MFN1: variants seen among roughly 807,000 people sequenced by gnomAD.
MFN1 encodes mitofusin-1.
Under a neutral mutation model 92.4 loss-of-function variants are expected in MFN1, and 65 were observed. The ratio of observed to expected loss-of-function variants is 0.70; its 90% CI spans 0.58 to 0.86. MFN1 has a LOEUF of 0.86. Ranked by LOEUF, MFN1 falls within the 40% of genes least tolerant of loss-of-function variation. The pLI, the probability that MFN1 is intolerant of heterozygous loss-of-function variation, is 0.00. For synonymous variants in MFN1, 297 were observed against 300.9 expected, an observed-to-expected ratio of 0.99 and a Z score of 0.13; for missense variants, 781 against 868.0, an observed-to-expected ratio of 0.90 and a Z score of 1.26.
At position 179,352,039 on chromosome 3, in the gene MFN1, ATTAT is replaced by A. The variant is rs759913086; in HGVS notation, c.248+10_248+13del. On this transcript the variant is annotated splice_donor_5th_base_variant and intron_variant, in intron 3 of 17. Transcript: ENST00000471841. ...TGAAGGTGGCATTTTTTGGCAGGTA[ATTAT>A]TTATTATTACTTCTAAGATTAGTTT... is the stretch of plus-strand genomic sequence containing the variant. The A allele has an allele frequency of 4.4e-6, 7 of 1,582,864 alleles. No individual in the cohort carries two copies. The highest frequency in any genetic ancestry group is 6.0e-6 in the Non-Finnish European group (7 of 1,159,136).
chr3:179,375,312 T>A lies in MFN1; in HGVS notation c.1068T>A (p.Asp356Glu). The A allele has an allele frequency of 6.2e-7, 1 of 1,613,644 alleles. No homozygotes were observed. The highest frequency in any genetic ancestry group is 2.2e-5 in the East Asian group (1 of 44,838). Residue 356 changes from aspartate (D) to glutamate (E), a missense_variant, in exon 10 of 18, where the codon GAT (aspartate) becomes GAA (glutamate). By Grantham distance (45) the Asp-to-Glu change is conservative (BLOSUM62 2). Transcript: ENST00000471841. ...TAGCTACTGTGAAAAACATAATGGA[T>A]TCAGTAAACCTGGCAGCTGAAGATA... Reference protein sequence around the residue: ...QILATVKNIMDSVNLAAEDKR... With the variant: ...QILATVKNIMESVNLAAEDKR...
chr3:179,385,677 G>C lies in MFN1; in HGVS notation c.1771G>C (p.Val591Leu), dbSNP rs781025338. The part of the protein sequence containing the change: ...MITLVTGLAS[V>L]TSRTSMGIII... ...TACATTAGTAACAGGATTGGCGTCC[G>C]TTACATCTAGAACTTCTATGGGCAT... The change falls in exon 15 of 18, where the codon GTT (valine) becomes CTT (leucine). Residue 591 changes from valine (V) to leucine (L), a missense_variant. By Grantham distance (32) the Val-to-Leu change is conservative. Transcript: ENST00000471841. 4.3e-6 allele frequency: 7 copies of C among 1,613,588 alleles called. No homozygotes were observed. The highest frequency in any genetic ancestry group is 1.3e-5 in the African/African-American group (1 of 74,840).
chr3:179,374,690 T>C (rs965812570), intron 9 of MFN1, among the ~76,000 whole-genome samples: 2 of 152,152 alleles, frequency 1.3e-5, no homozygotes, highest in Non-Finnish European at 2.9e-5. Flanking sequence ...AGATGTTACA[T>C]TGTTAAATGT....
At position 179,386,605 on chromosome 3, in the gene MFN1, C is replaced by T. The variant is rs1381874844; in HGVS notation, c.1988C>T (p.Ala663Val). The change falls in exon 16 of 18, where the codon GCA becomes GTA. Residue 663 changes from alanine to valine, a missense_variant. Transcript: ENST00000471841. ...KLRMIVSSTSANCSHQVKQQI... is the reference protein window; with the variant it reads ...KLRMIVSSTSVNCSHQVKQQI... ...AGGATGATTGTTAGCTCCACGAGTG[C>T]AAACTGCAGTCACCAAGTAAAACAG... The T allele has an allele frequency of 1.2e-6, 2 of 1,611,252 alleles. No homozygotes were observed. The highest frequency in any genetic ancestry group is 1.7e-5 in the Admixed American group (1 of 58,976).
At chr3:179,369,487 G>C (rs1712936595) in intron 9 of MFN1, among the ~76,000 whole-genome samples, 1 of 152,032 alleles carries the variant, frequency 6.6e-6, no homozygotes, top group African/African-American at 2.4e-5. Flanking sequence ...TTTATATAAT[G>C]TATAATTGTG....
At position 179,358,985 on chromosome 3, in the gene MFN1, GA is replaced by G. The variant is rs755881517; in HGVS notation, c.401del (p.Lys134ArgfsTer3). On this transcript the variant is annotated frameshift_variant, in exon 4 of 18. Coordinates refer to ENST00000471841, the MANE Select transcript of MFN1 (RefSeq NM_033540.3). LOFTEE classifies it high-confidence loss of function. ...CTATCTTATGACAGAAGGATCAGAT[GA>G]AAAAAAGAGTGTGAAGGTATGATCT... ...KAYLMTEGSDEKKSVKTVNQL... is the reference protein window; with the variant it reads ...KAYLMTEGSDXKKSVKTVNQL... 3 of 1,610,512 alleles carry G rather than the reference GA, an allele frequency of 1.9e-6. No individual in the cohort carries two copies. Among genetic ancestry groups the G allele is most frequent in the Admixed American group, 1.7e-5 (1 of 59,140 alleles).
At chr3:179,391,934 C>A in intron 17 of MFN1, 47 bp from the exon 18 acceptor site, 1 of 1,236,804 alleles carries the variant, frequency 8.1e-7, no homozygotes, top group South Asian at 1.3e-5. Context: ...GCATTTTTCT[C>A]CTTGACCTTT....
chr3:179,365,559 A>G (rs1053671943), intron 7 of MFN1, among the ~76,000 whole-genome samples: 2 of 152,204 alleles, frequency 1.3e-5, no homozygotes, highest in Admixed American at 6.5e-5. Context: ...CTGAGCCACC[A>G]TGCCTGGCCA....
At chr3:179,377,731 C>T (rs56265474) in intron 12 of MFN1, among the ~76,000 whole-genome samples, 4,871 of 152,136 alleles carry the variant, frequency 0.032, 257 homozygotes, top group African/African-American at 0.1. Context: ...CCCCAGAGTT[C>T]GAGACCAGCC....
At chr3:179,385,780 G>A in intron 15 of MFN1, 59 bp downstream of exon 15, 4 of 1,500,646 alleles carry the variant, frequency 2.7e-6, no homozygotes, top group Non-Finnish European at 3.7e-6. Context: ...CTGCCTGTTA[G>A]CTCACAAAAG....
At chr3:179,357,128 G>C (rs1423401338) in intron 3 of MFN1, among the ~76,000 whole-genome samples, 3 of 152,028 alleles carry the variant, frequency 2.0e-5, no homozygotes, top group African/African-American at 7.2e-5. Context: ...TGCTGGATCT[G>C]GGGGCCCAAA....
intron 16 of MFN1, among the ~76,000 whole-genome samples, chr3:179,389,300 TC>T (rs1398096591): frequency 2.6e-5 from 4 of 152,164 alleles, no homozygotes; most frequent in African/African-American, 9.7e-5. Context: ...AATGTAGCTT[TC>T]CCTGCATTGA....
At chr3:179,379,399 G>A (rs1337940270) in intron 14 of MFN1, among the ~76,000 whole-genome samples, 3 of 152,172 alleles carry the variant, frequency 2.0e-5, no homozygotes, top group Non-Finnish European at 2.9e-5. Context: ...TGTGGCTCAG[G>A]CTGGAGTGCA....
At chr3:179,357,113 CTG>C (rs1440662525) in intron 3 of MFN1, among the ~76,000 whole-genome samples, 1 of 152,140 alleles carries the variant, frequency 6.6e-6, no homozygotes, top group African/African-American at 2.4e-5. Flanking sequence ...GGTCTTCAAA[CTG>C]GTTGCTGGAT....
At chr3:179,378,842 G>T in intron 14 of MFN1, 28 bp downstream of exon 14, 1 of 1,496,022 alleles carries the variant, frequency 6.7e-7, no homozygotes, top group Non-Finnish European at 9.2e-7. Context: ...TACCAATTAA[G>T]ACTCTCCTTT....
At chr3:179,369,017 TG>T (rs1712914795) in intron 9 of MFN1, among the ~76,000 whole-genome samples, 1 of 152,196 alleles carries the variant, frequency 6.6e-6, no homozygotes, top group Non-Finnish European at 1.5e-5. Context: ...ATTAGACAGA[TG>T]AAGACAAACT....
At chr3:179,379,565 A>G (rs1328688585) in intron 14 of MFN1, among the ~76,000 whole-genome samples, 2 of 151,964 alleles carry the variant, frequency 1.3e-5, no homozygotes, top group Non-Finnish European at 2.9e-5. Flanking sequence ...TGTTGGCCAG[A>G]CTGGTCTCGA....
At chr3:179,349,211 A>G (rs560119121) in intron 2 of MFN1, among the ~76,000 whole-genome samples, 12 of 152,332 alleles carry the variant, frequency 7.9e-5, no homozygotes, top group East Asian at 1.9e-4. Context: ...AGAAATAGCT[A>G]TGTTAATAGT....
In MFN1 at chr3:179,349,030, C is replaced by G; in HGVS notation, c.112+67C>G. ...TATATAAAAGTGCTTATTCTTTCAA[C>G]GTTAGTTATTGAACACATGTATAGG... is the stretch of plus-strand genomic sequence containing the variant. On this transcript the variant is annotated intron_variant, in intron 2 of 17. Transcript: ENST00000471841. 6 of 1,339,106 alleles carry G rather than the reference C, an allele frequency of 4.5e-6. No individual in the cohort carries two copies. The South Asian group carries it at 8.2e-5, about 18-fold the overall frequency. 83.0% of individuals were successfully genotyped at this position (1,339,106 alleles called of 1,614,324 possible).
Sources: gnomAD v4.1 joint callset for allele counts (sites outside exome capture counted in the v4.1 genomes callset) on GRCh38, gnomAD v4.1.1 for gene constraint, MANE v1.5 for transcripts, NCBI Gene and HGNC (gene_info 2026-07-23, HGNC 2026-07-21) for gene names.